The following MGMT variants were observed in gnomAD, a reference collection of about 807,000 sequenced individuals.
The protein encoded by MGMT is O-6-methylguanine-DNA methyltransferase.
MGMT carries 14 observed loss-of-function variants against 15.9 expected under a neutral mutation model. That is an observed-to-expected ratio of 0.88 (90% CI 0.58 to 1.37). MGMT has a LOEUF of 1.37. Among genes scored for constraint, MGMT ranks in the 40% most tolerant of loss-of-function variants. The probability of loss-of-function intolerance (pLI) is 0.00; values close to 1 mark genes in which losing one functional copy is unlikely to be tolerated. For synonymous variants in MGMT, 130 were observed against 118.2 expected, an observed-to-expected ratio of 1.10 and a Z score of -0.65; for missense variants, 282 against 268.1, an observed-to-expected ratio of 1.05 and a Z score of -0.36.
intron 1 of MGMT, among the ~76,000 whole-genome samples, chr10:129,512,854 C>T (rs1845698932): frequency 6.6e-6 from 1 of 152,140 alleles, no homozygotes; most frequent in Non-Finnish European, 1.5e-5. Flanking sequence ...TTCCTGAAAA[C>T]ATGAAGCATA....
chr10:129,705,857 A>G (rs1042922504), intron 2 of MGMT, among the ~76,000 whole-genome samples: 2 of 151,934 alleles, frequency 1.3e-5, no homozygotes, highest in African/African-American at 4.8e-5. Flanking sequence ...TCATTCATAC[A>G]AGGCCAGGGA....
At chr10:129,600,665 G>C (rs551756516) in intron 2 of MGMT, among the ~76,000 whole-genome samples, 1 of 152,124 alleles carries the variant, frequency 6.6e-6, no homozygotes, top group African/African-American at 2.4e-5. Context: ...GTAAACATCC[G>C]TATTGCCTCT....
At chr10:129,518,406 T>C (rs775127435) in intron 1 of MGMT, among the ~76,000 whole-genome samples, 19 of 146,492 alleles carry the variant, frequency 1.3e-4, no homozygotes, top group Admixed American at 7.6e-4. Flanking sequence ...GTCTGAACTG[T>C]GTGGATCCAC....
chr10:129,606,962 T>G (rs1287356301), intron 2 of MGMT, among the ~76,000 whole-genome samples: 1 of 152,196 alleles, frequency 6.6e-6, no homozygotes, highest in Non-Finnish European at 1.5e-5. Context: ...ACTTGTGACT[T>G]TATGTTGTTT....
At chr10:129,573,537 CAT>C (rs1168067153) in intron 2 of MGMT, among the ~76,000 whole-genome samples, 1 of 151,832 alleles carries the variant, frequency 6.6e-6, no homozygotes, top group Non-Finnish European at 1.5e-5. Context: ...TTTTGTTAAT[CAT>C]ATATGTTTAT....
At chr10:129,619,837 C>G (rs1847071390) in intron 2 of MGMT, among the ~76,000 whole-genome samples, 1 of 152,140 alleles carries the variant, frequency 6.6e-6, no homozygotes, top group African/African-American at 2.4e-5. Context: ...TTTTTCCATT[C>G]CTGGAATGGT....
chr10:129,486,266 C>G (rs1618593), intron 1 of MGMT, among the ~76,000 whole-genome samples: 6 of 149,726 alleles, frequency 4.0e-5, no homozygotes, highest in Non-Finnish European at 7.4e-5. Flanking sequence ...TGGCTCGCTG[C>G]GACCTCTGTC....
intron 2 of MGMT, among the ~76,000 whole-genome samples, chr10:129,671,694 C>CCT (rs1847725514): frequency 1.3e-5 from 2 of 152,204 alleles, no homozygotes; most frequent in Non-Finnish European, 2.9e-5. Context: ...TTTTGAATAG[C>CCT]TCCAGAAATT....
chr10:129,693,172 G>C (rs1847988727), intron 2 of MGMT, among the ~76,000 whole-genome samples: 1 of 152,220 alleles, frequency 6.6e-6, no homozygotes, highest in Non-Finnish European at 1.5e-5. Context: ...CAGGAAAGGA[G>C]AACTGATGCG....
chr10:129,622,211 C>T (rs539985882), intron 2 of MGMT, among the ~76,000 whole-genome samples: 325 of 152,300 alleles, frequency 2.1e-3, no homozygotes, highest in Non-Finnish European at 3.0e-3. Context: ...TGACCTGAAT[C>T]GAATGATTAG....
At chr10:129,686,624 A>G (rs957836320) in intron 2 of MGMT, among the ~76,000 whole-genome samples, 2 of 152,052 alleles carry the variant, frequency 1.3e-5, no homozygotes, top group Non-Finnish European at 2.9e-5. Context: ...GGGCCTCCCA[A>G]AGTGCTGGGA....
intron 2 of MGMT, among the ~76,000 whole-genome samples, chr10:129,678,472 T>G (rs1258500092): frequency 6.6e-6 from 1 of 152,164 alleles, no homozygotes; most frequent in Non-Finnish European, 1.5e-5. Context: ...TGTAGCTGCT[T>G]CTGCCTCTTG....
intron 2 of MGMT, among the ~76,000 whole-genome samples, chr10:129,547,786 C>G (rs908973098): frequency 6.6e-6 from 1 of 152,216 alleles, no homozygotes; most frequent in African/African-American, 2.4e-5. Context: ...GGCAGAACAG[C>G]AATGTTAGCC....
chr10:129,580,830 T>A (rs553794726), intron 2 of MGMT, among the ~76,000 whole-genome samples: 1 of 152,352 alleles, frequency 6.6e-6, no homozygotes, highest in South Asian at 2.1e-4. Flanking sequence ...TCCGTTTTGT[T>A]GAGGTCTTTG....
chr10:129,660,599 G>A (rs975797222), intron 2 of MGMT, among the ~76,000 whole-genome samples: 2 of 152,118 alleles, frequency 1.3e-5, no homozygotes, highest in Non-Finnish European at 2.9e-5. Flanking sequence ...TGAGGGACAT[G>A]GAGCCCTCCA....
intron 2 of MGMT, among the ~76,000 whole-genome samples, chr10:129,587,419 C>T (rs899450973): frequency 4.1e-5 from 6 of 147,564 alleles, no homozygotes; most frequent in African/African-American, 1.5e-4. Flanking sequence ...TGAATGTCAT[C>T]TAGTATGTTT....
At chr10:129,613,240 TA>T (rs1433252048) in intron 2 of MGMT, among the ~76,000 whole-genome samples, 1 of 152,208 alleles carries the variant, frequency 6.6e-6, no homozygotes, top group Non-Finnish European at 1.5e-5. Flanking sequence ...CTATGCAGAA[TA>T]AAACCAAGAG....
At chr10:129,651,847 T>C (rs1275228036) in intron 2 of MGMT, among the ~76,000 whole-genome samples, 1 of 152,182 alleles carries the variant, frequency 6.6e-6, no homozygotes. Flanking sequence ...AAAAAAGATA[T>C]CTTAATCCAA....
Position 129,487,619 on chromosome 10 carries a change from G to A in MGMT, c.-13+20323G>A, listed in dbSNP as rs545762795. On this transcript the variant is annotated intron_variant, in intron 1 of 4. Coordinates refer to ENST00000651593, the MANE Select transcript of MGMT (RefSeq NM_002412.5). Reference sequence around the variant, plus strand: ...TATGTACACACACTATATATGAAATGCCTGTTCATATCCTTTCTGCCTGTG... The same window carrying A: ...TATGTACACACACTATATATGAAATACCTGTTCATATCCTTTCTGCCTGTG... Among the ~76,000 whole-genome samples the A allele has an allele frequency of 4.0e-5, 6 of 151,758 alleles. No individual in the cohort carries two copies. In the East Asian group the frequency reaches 9.8e-4, roughly 25 times the overall value.
Sources: gnomAD v4.1 joint callset for allele counts (sites outside exome capture counted in the v4.1 genomes callset) on GRCh38, gnomAD v4.1.1 for gene constraint, MANE v1.5 for transcripts, NCBI Gene and HGNC (gene_info 2026-07-23, HGNC 2026-07-21) for gene names.